HABP2: variants seen among roughly 807,000 people sequenced by gnomAD.
The protein encoded by HABP2 is factor VII-activating protease.
HABP2 carries 65 observed loss-of-function variants against 66.5 expected under a neutral mutation model. That is an observed-to-expected ratio of 0.98 (90% CI 0.80 to 1.20). The LOEUF (loss-of-function observed/expected upper bound fraction) is 1.20, where lower values mean the gene tolerates loss of function less well. HABP2 is among the 50% of genes most tolerant of loss of function. HABP2 has a pLI of 0.00. For missense variants in HABP2, 786 were observed against 691.0 expected, an observed-to-expected ratio of 1.14 and a Z score of -1.54; for synonymous variants, 263 against 253.9, an observed-to-expected ratio of 1.04 and a Z score of -0.34.
intron 1 of HABP2, among the ~76,000 whole-genome samples, chr10:113,557,359 C>G (rs1208095924): frequency 6.6e-6 from 1 of 152,100 alleles, no homozygotes; most frequent in Non-Finnish European, 1.5e-5. Context: ...GCGGTGTACA[C>G]TGGTATTTAG....
intron 2 of HABP2, among the ~76,000 whole-genome samples, chr10:113,573,093 C>G (rs1194869782): frequency 6.6e-6 from 1 of 152,114 alleles, no homozygotes; most frequent in Non-Finnish European, 1.5e-5. Flanking sequence ...TTTGCTCGCG[C>G]CTCATTATCA....
chr10:113,585,178 C>T (rs964336556), intron 11 of HABP2, among the ~76,000 whole-genome samples: 1 of 152,184 alleles, frequency 6.6e-6, no homozygotes, highest in Admixed American at 6.5e-5. Flanking sequence ...CAGCCATTTT[C>T]ATTGTAGTCC....
Position 113,574,300 on chromosome 10 carries a change from G to T in HABP2, c.118G>T (p.Asp40Tyr). 1.3e-6 allele frequency: 2 copies of T among 1,578,608 alleles called. No homozygotes were observed. The highest frequency in any genetic ancestry group is 2.2e-5 in the South Asian group (2 of 90,306). The change falls in exon 3 of 13, where the codon GAC (aspartate) becomes TAC (tyrosine). Residue 40 changes from aspartate (D) to tyrosine (Y), a missense_variant. Physicochemically the swap from Asp to Tyr is radical, Grantham distance 160. Transcript: ENST00000351270. ...TACCATCCCTGCAGACTGGACCCCTGACCAGTATGATTACAGCTACGAGGA... is the reference window on the plus strand; with the variant it reads ...TACCATCCCTGCAGACTGGACCCCTTACCAGTATGATTACAGCTACGAGGA... ...LESLDPDWTPDQYDYSYEDYN... is the reference protein window; with the variant it reads ...LESLDPDWTPYQYDYSYEDYN...
upstream of HABP2, among the ~76,000 whole-genome samples, chr10:113,551,764 C>A (rs1844902818): frequency 6.6e-6 from 1 of 151,982 alleles, no homozygotes; most frequent in Non-Finnish European, 1.5e-5. Context: ...CAAGATCACG[C>A]CACTGCACTT....
chr10:113,588,392 A>C lies in HABP2; in HGVS notation c.*23A>C, dbSNP rs374476364. The C allele has an allele frequency of 5.3e-5, 84 of 1,590,868 alleles. No individual in the cohort carries two copies. In the African/African-American group the frequency reaches 9.4e-4, roughly 18 times the overall value. On this transcript the variant is annotated 3_prime_UTR_variant, in exon 13 of 13. Coordinates refer to ENST00000351270, the MANE Select transcript of HABP2 (RefSeq NM_004132.5). ...TAAGGTACTGTCTTCTGGACCTCAG[A>C]GCCCACTCTCCTTGGCACCCTGACA...
At chr10:113,583,400 G>A (rs1347034555) in intron 10 of HABP2, 42 bp downstream of exon 10, 1 of 1,586,592 alleles carries the variant, frequency 6.3e-7, no homozygotes, top group Non-Finnish European at 8.6e-7. Flanking sequence ...TCTTGTCCTG[G>A]GTGGATTTCT....
At chr10:113,578,543 C>T (rs1010565927) in intron 6 of HABP2, 84 bp from the exon 7 acceptor site, 4 of 890,856 alleles carry the variant, frequency 4.5e-6, no homozygotes, top group Non-Finnish European at 7.2e-6. Context: ...AGTTCTCTCA[C>T]CATGTCACAT....
At position 113,557,203 on chromosome 10, in the gene HABP2, G is replaced by A. The variant is rs368799092; in HGVS notation, c.69+4013G>A. On this transcript the variant is annotated intron_variant, in intron 1 of 12. Coordinates refer to ENST00000351270, the MANE Select transcript of HABP2 (RefSeq NM_004132.5). Reference sequence around the variant, plus strand: ...AGCCTCCAGAATGCCAGTCTCTTTCGGGCCTAGGAGAGACTGAAGAGGCAT... The same window carrying A: ...AGCCTCCAGAATGCCAGTCTCTTTCAGGCCTAGGAGAGACTGAAGAGGCAT... Among the ~76,000 whole-genome samples, 13 of 152,190 alleles carry A rather than the reference G, an allele frequency of 8.5e-5. No homozygotes were observed. In the East Asian group the frequency reaches 1.7e-3, roughly 20 times the overall value.
chr10:113,584,326 C>T, intron 11 of HABP2, 44 bp downstream of exon 11: 1 of 1,584,350 alleles, frequency 6.3e-7, no homozygotes, highest in Non-Finnish European at 8.7e-7. Flanking sequence ...TGAACTACAT[C>T]AACCAGAGAA....
chr10:113,569,526 C>G (rs566836668), intron 2 of HABP2: 1 of 152,496 alleles, frequency 6.6e-6, no homozygotes, highest in South Asian at 2.1e-4. Flanking sequence ...GTTGATCTTG[C>G]TGGAGACAGC....
At chr10:113,553,952 T>G (rs1252125176) in intron 1 of HABP2, among the ~76,000 whole-genome samples, 3 of 151,810 alleles carry the variant, frequency 2.0e-5, no homozygotes, top group African/African-American at 7.3e-5. Context: ...AGAAATAGAG[T>G]CTCCTTGGAG....
intron 2 of HABP2, chr10:113,570,087 G>A (rs151236416): frequency 6.6e-6 from 1 of 152,212 alleles, no homozygotes; most frequent in African/African-American, 2.4e-5. Context: ...AAAACCCAAG[G>A]ACTTTCATGA....
At chr10:113,561,655 G>T (rs6585228) in intron 1 of HABP2, among the ~76,000 whole-genome samples, 147,063 of 152,200 alleles carry the variant, frequency 0.97, 71,127 homozygotes, top group East Asian at 1. Context: ...TAGTTCATTC[G>T]GAGCTGAGCC....
Position 113,589,578 on chromosome 10 carries a change from G to T in HABP2, c.*1209G>T. 1 of 1,497,790 alleles carries T rather than the reference G, an allele frequency of 6.7e-7. No homozygotes were observed. Among genetic ancestry groups the T allele is most frequent in the Non-Finnish European group, 9.0e-7 (1 of 1,112,084 alleles). 92.8% of individuals were successfully genotyped at this position (1,497,790 alleles called of 1,614,324 possible). ...CTTCTTTAGAGCTAGCTGACCTTTGGCCAAAAATAAACTTTGAAAAGAAAC... is the reference window on the plus strand; with the variant it reads ...CTTCTTTAGAGCTAGCTGACCTTTGTCCAAAAATAAACTTTGAAAAGAAAC... On this transcript the variant is annotated 3_prime_UTR_variant, in exon 13 of 13. Coordinates refer to ENST00000351270, the MANE Select transcript of HABP2 (RefSeq NM_004132.5).
intron 12 of HABP2, 103 bp from the exon 13 acceptor site, chr10:113,588,102 G>A (rs957945294): frequency 4.4e-6 from 4 of 900,694 alleles, no homozygotes; most frequent in African/African-American, 3.3e-5. Flanking sequence ...AGGCTGGCAA[G>A]GGACTCCACC....
At chr10:113,572,503 A>G (rs1470055309) in intron 2 of HABP2, among the ~76,000 whole-genome samples, 1 of 152,248 alleles carries the variant, frequency 6.6e-6, no homozygotes, top group African/African-American at 2.4e-5. Context: ...ACAAAAATAA[A>G]TTCTTCAAAG....
At position 113,588,434 on chromosome 10, in the gene HABP2, C is replaced by T; in HGVS notation, c.*65C>T. On this transcript the variant is annotated 3_prime_UTR_variant, in exon 13 of 13. Transcript: ENST00000351270. ...ACCCTGACACCGGGAGGCCTCATGG[C>T]CAACAATGGACACCTCCAGAGCCTC... 2.3e-6 allele frequency: 3 copies of T among 1,303,020 alleles called. No homozygotes were observed. Among genetic ancestry groups the T allele is most frequent in the Non-Finnish European group, 3.2e-6 (3 of 930,386 alleles). The allele number at this position is 1,303,020 out of a possible 1,614,324, so 80.7% of individuals were successfully genotyped here. A position where few individuals can be genotyped will look rare whatever the true frequency, so the allele number is the denominator to read the frequency against.
chr10:113,570,371 T>C (rs4918853), intron 2 of HABP2, among the ~76,000 whole-genome samples: 114,827 of 152,198 alleles, frequency 0.75, 44,437 homozygotes, highest in East Asian at 0.94. Context: ...CTCTCATGAT[T>C]CTTCCTGATA....
In HABP2 at chr10:113,584,256, T is replaced by A; in HGVS notation, c.1346T>A (p.Ile449Asn). The part of the protein sequence containing the change: ...GSFPSGSECH[I>N]SGWGVTETGK... ...TTTCCCTCTGGGAGTGAGTGCCACA[T>A]CTCTGGCTGGGGTGTTACAGAAACA... The change falls in exon 11 of 13, where the codon ATC becomes AAC. Residue 449 changes from isoleucine (I) to asparagine (N), a missense_variant. Coordinates refer to ENST00000351270, the MANE Select transcript of HABP2 (RefSeq NM_004132.5). 6.2e-7 allele frequency: 1 copy of A among 1,614,036 alleles called. No individual in the cohort carries two copies. Among genetic ancestry groups the A allele is most frequent in the South Asian group, 1.1e-5 (1 of 91,066 alleles).
Sources: gnomAD v4.1 joint callset for allele counts (sites outside exome capture counted in the v4.1 genomes callset) on GRCh38, gnomAD v4.1.1 for gene constraint, MANE v1.5 for transcripts, NCBI Gene and HGNC (gene_info 2026-07-23, HGNC 2026-07-21) for gene names.